Variants in SLCO1B1 observed in about 807,000 individuals in gnomAD.
SLCO1B1 encodes the protein OATP-2.
Under a neutral mutation model 70.1 loss-of-function variants are expected in SLCO1B1, and 81 were observed. The observed-to-expected ratio is 1.16, with a 90% CI of 0.97 to 1.39. SLCO1B1 has a LOEUF of 1.39. Ranked by LOEUF, SLCO1B1 falls within the 40% of genes most tolerant of loss-of-function variation. SLCO1B1 has a pLI of 0.00. For synonymous variants in SLCO1B1, 283 were observed against 271.5 expected, an observed-to-expected ratio of 1.04 and a Z score of -0.42; for missense variants, 895 against 799.6, an observed-to-expected ratio of 1.12 and a Z score of -1.44.
intron 14 of SLCO1B1, among the ~76,000 whole-genome samples, chr12:21,235,977 A>G (rs1409770547): frequency 6.6e-6 from 1 of 151,510 alleles, no homozygotes; most frequent in Non-Finnish European, 1.5e-5. Context: ...TGCCGTTAGG[A>G]TTTGTTTTTT....
Position 21,197,123 on chromosome 12 carries a change from A to T in SLCO1B1, c.905A>T (p.Asn302Ile). The change falls in exon 8 of 15, where the codon AAT becomes ATT. Residue 302 changes from asparagine (N) to isoleucine (I), a missense_variant. By Grantham distance (149) the Asn-to-Ile change is moderately radical (BLOSUM62 -3). Coordinates refer to ENST00000256958, the MANE Select transcript of SLCO1B1 (RefSeq NM_006446.5). ...CTGTCTTTGCATGTGCTGGAAACAA[A>T]TGATGAAAAGGATCAAACAGCTAAT... Reference protein sequence around the residue: ...ASLSLHVLETNDEKDQTANLT... With the variant: ...ASLSLHVLETIDEKDQTANLT... 1 of 1,613,726 alleles carries T rather than the reference A, an allele frequency of 6.2e-7. No homozygotes were observed. The highest frequency in any genetic ancestry group is 1.1e-5 in the South Asian group (1 of 91,076).
rs183469861 is a variant in SLCO1B1, at chr12:21,181,879, G to T, written c.727+2859G>T. ...AAGTAAAGGAAACCCTAAGAAAAAG[G>T]TATATCATGAGTGCATAAAGTATGT... On this transcript the variant is annotated intron_variant, in intron 7 of 14. Coordinates refer to ENST00000256958, the MANE Select transcript of SLCO1B1 (RefSeq NM_006446.5). Among the ~76,000 whole-genome samples, 122 of 152,010 alleles carry T rather than the reference G, an allele frequency of 8.0e-4. 2 individuals are homozygous for T. The highest frequency in any genetic ancestry group is 2.9e-3 in the African/African-American group (119 of 41,438).
At chr12:21,163,567 T>C (rs948431125) in intron 2 of SLCO1B1, among the ~76,000 whole-genome samples, 7 of 152,182 alleles carry the variant, frequency 4.6e-5, no homozygotes, top group Non-Finnish European at 8.8e-5. Flanking sequence ...ACTGGGTAGC[T>C]TAAACAACAA....
intron 14 of SLCO1B1, among the ~76,000 whole-genome samples, chr12:21,226,479 T>A (rs1941483495): frequency 6.6e-6 from 1 of 151,970 alleles, no homozygotes; most frequent in South Asian, 2.1e-4. Context: ...ATTCTAACTG[T>A]ATGACCTTTT....
intron 7 of SLCO1B1, among the ~76,000 whole-genome samples, chr12:21,196,667 G>T (rs1941095233): frequency 6.6e-6 from 1 of 152,136 alleles, no homozygotes; most frequent in African/African-American, 2.4e-5. Context: ...TAAATGTCCA[G>T]TGATAGAAAC....
intron 1 of SLCO1B1, among the ~76,000 whole-genome samples, chr12:21,137,370 A>T (rs1023388772): frequency 7.9e-5 from 12 of 152,126 alleles, no homozygotes; most frequent in Non-Finnish European, 1.5e-5. Flanking sequence ...TCAGAGAGGG[A>T]CATTTAAGTC....
At chr12:21,142,079 AAAC>A (rs1209441107) in intron 2 of SLCO1B1, among the ~76,000 whole-genome samples, 3 of 151,070 alleles carry the variant, frequency 2.0e-5, no homozygotes, top group African/African-American at 4.8e-5. Flanking sequence ...TTAAAAAAAA[AAAC>A]AAAAAACAGG....
At chr12:21,201,539 C>G (rs1264219498) in intron 9 of SLCO1B1, among the ~76,000 whole-genome samples, 1 of 152,028 alleles carries the variant, frequency 6.6e-6, no homozygotes, top group Non-Finnish European at 1.5e-5. Flanking sequence ...TTTGTCAGTT[C>G]AGGTTCTGTA....
At chr12:21,192,488 CTAGTT>C (rs776239301) in intron 7 of SLCO1B1, among the ~76,000 whole-genome samples, 9 of 151,606 alleles carry the variant, frequency 5.9e-5, no homozygotes, top group Admixed American at 5.3e-4. Context: ...TTTGCTTAGT[CTAGTT>C]TAAAGTTTGT....
intron 2 of SLCO1B1, among the ~76,000 whole-genome samples, chr12:21,160,143 A>C (rs1361444478): frequency 6.6e-6 from 1 of 151,576 alleles, no homozygotes; most frequent in Non-Finnish European, 1.5e-5. Context: ...TGAAATTCAT[A>C]CAGAACCAAA....
chr12:21,206,210 T>C (rs1941213192), intron 11 of SLCO1B1, among the ~76,000 whole-genome samples, 177 bp downstream of exon 11: 1 of 151,952 alleles, frequency 6.6e-6, no homozygotes, highest in African/African-American at 2.4e-5. Context: ...TATAAAAGTC[T>C]GCTTAGGGCA....
intron 2 of SLCO1B1, among the ~76,000 whole-genome samples, chr12:21,156,035 C>CA (rs1222364924): frequency 1.3e-5 from 2 of 151,726 alleles, no homozygotes; most frequent in African/African-American, 2.4e-5. Context: ...TTGAAGGCAA[C>CA]AAAAAATAAT....
rs575533883 is a variant in SLCO1B1, at chr12:21,151,402, A to G, written c.84+9744A>G. On this transcript the variant is annotated intron_variant, in intron 2 of 14. Transcript: ENST00000256958. ...CGTGACGTCATACCACTTCATGGGT[A>G]GTATGAGTACCTGATAATAGCAAAT... 2.1e-4 allele frequency among the ~76,000 whole-genome samples: 32 copies of G among 152,332 alleles called. No individual in the cohort carries two copies. In the South Asian group the frequency reaches 6.4e-3, roughly 31 times the overall value.
At chr12:21,131,997 C>A (rs574490805) in intron 1 of SLCO1B1, among the ~76,000 whole-genome samples, 41 of 152,230 alleles carry the variant, frequency 2.7e-4, no homozygotes, top group Non-Finnish European at 3.8e-4. Flanking sequence ...CTCCCCCACC[C>A]CACAACAGTC....
rs4149102 is a variant in SLCO1B1 at position 21,222,372 on chromosome 12, G to GAAAAA, written c.1747+30_1747+34dup. The GAAAAA allele has an allele frequency of 1.4e-3, 36 of 24,948 alleles. 10 individuals are homozygous for GAAAAA. Among genetic ancestry groups the GAAAAA allele is most frequent in the African/African-American group, 8.6e-3 (28 of 3,258 alleles). The allele number at this position is 24,948 out of a possible 1,614,324, so 1.5% of individuals were successfully genotyped here. On this transcript the variant is annotated intron_variant, in intron 13 of 14. Coordinates refer to ENST00000256958, the MANE Select transcript of SLCO1B1 (RefSeq NM_006446.5). ...TGGTTATACGAGCACTAGGTATGATGAAAAAAAAAAAAAAAAAAAAAAAAA... is the reference window on the plus strand; with the variant it reads ...TGGTTATACGAGCACTAGGTATGATGAAAAAAAAAAAAAAAAAAAAAAAAAAAAAA...
intron 14 of SLCO1B1, among the ~76,000 whole-genome samples, chr12:21,237,161 T>A (rs1264237591): frequency 6.6e-6 from 1 of 152,206 alleles, no homozygotes; most frequent in African/African-American, 2.4e-5. Flanking sequence ...TATATGACTC[T>A]GATTTTATAT....
chr12:21,222,397 A>AAATATATATAT (rs1555097342), intron 13 of SLCO1B1, 33 bp downstream of exon 13: 11 of 97,730 alleles, frequency 1.1e-4, no homozygotes, highest in Admixed American at 4.0e-4. Context: ...AAAAAAAAAA[A>AAATATATATAT]ATATATATAT....
At chr12:21,175,379 C>G (rs1940807144) in intron 4 of SLCO1B1, among the ~76,000 whole-genome samples, 1 of 152,108 alleles carries the variant, frequency 6.6e-6, no homozygotes. Flanking sequence ...CAAAATATCT[C>G]TACTGACTTT....
chr12:21,135,063 C>T (rs1940198579), intron 1 of SLCO1B1, among the ~76,000 whole-genome samples: 1 of 152,162 alleles, frequency 6.6e-6, no homozygotes, highest in Admixed American at 6.5e-5. Context: ...CAAAGAACAT[C>T]TTTATTTATG....
Sources: gnomAD v4.1 joint callset for allele counts (sites outside exome capture counted in the v4.1 genomes callset) on GRCh38, gnomAD v4.1.1 for gene constraint, MANE v1.5 for transcripts, NCBI Gene and HGNC (gene_info 2026-07-23, HGNC 2026-07-21) for gene names.